Variants in SYN3 observed in about 807,000 individuals in gnomAD.
The protein encoded by SYN3 is synapsin-3.
In SYN3, 35 loss-of-function variants were observed where a neutral mutation model predicts 65.8. That is an observed-to-expected ratio of 0.53 (90% CI 0.41 to 0.70). SYN3 has a LOEUF of 0.70. Ranked by LOEUF, SYN3 falls within the 30% of genes least tolerant of loss-of-function variation. The probability of loss-of-function intolerance (pLI) is 0.00; values close to 1 mark genes in which losing one functional copy is unlikely to be tolerated. For synonymous variants in SYN3, 270 were observed against 292.9 expected (o/e 0.92, Z 0.80); for missense variants, 680 against 749.0 (o/e 0.91, Z 1.08).
At chr22:32,802,094 C>A (rs374814967) in intron 6 of SYN3, 5 of 1,580,708 alleles carry the variant, frequency 3.2e-6, no homozygotes, top group Non-Finnish European at 3.4e-6. Flanking sequence ...CCAGCCACCC[C>A]CAGGACGCCT....
chr22:32,546,379 C>A (rs951489391), intron 7 of SYN3, among the ~76,000 whole-genome samples: 3 of 152,212 alleles, frequency 2.0e-5, no homozygotes, highest in African/African-American at 7.2e-5. Flanking sequence ...CAAAAAAAGG[C>A]AAAGAAACTG....
intron 6 of SYN3, among the ~76,000 whole-genome samples, chr22:32,642,768 A>C (rs2059921699): frequency 6.6e-6 from 1 of 152,056 alleles, no homozygotes; most frequent in African/African-American, 2.4e-5. Flanking sequence ...TATGTTGCCC[A>C]GGCTGTCTCG....
chr22:32,987,441 C>G (rs779210681), intron 2 of SYN3, among the ~76,000 whole-genome samples: 13 of 152,150 alleles, frequency 8.5e-5, no homozygotes, highest in Non-Finnish European at 1.8e-4. Flanking sequence ...ATTGTTTTCT[C>G]CTGAGAACAG....
chr22:32,736,804 T>A (rs1555941900), intron 6 of SYN3, among the ~76,000 whole-genome samples: 1 of 152,188 alleles, frequency 6.6e-6, no homozygotes, highest in Non-Finnish European at 1.5e-5. Flanking sequence ...ATCTAAGGGC[T>A]CAGATTCCTA....
At chr22:32,566,852 C>A (rs974917925) in intron 7 of SYN3, among the ~76,000 whole-genome samples, 7 of 152,008 alleles carry the variant, frequency 4.6e-5, no homozygotes, top group Admixed American at 1.3e-4. Flanking sequence ...CATTGAGCGC[C>A]AGGAGTGAGA....
intron 6 of SYN3, among the ~76,000 whole-genome samples, chr22:32,749,377 C>T (rs1336127934): frequency 6.8e-6 from 1 of 146,532 alleles, no homozygotes; most frequent in Admixed American, 7.1e-5. Flanking sequence ...CTCAGTGGCT[C>T]ACACCTGTAA....
Position 32,820,380 on chromosome 22 carries a change from T to TG in SYN3, c.711+44534dup, listed in dbSNP as rs1307022878. ...TGTGTGTGTGTGTGTGTGTGTGTGG[T>TG]GTGTTCTACTCCGTGTGTGTGTCAT... On this transcript the variant is annotated intron_variant, in intron 6 of 13. Coordinates refer to ENST00000358763, the MANE Select transcript of SYN3 (RefSeq NM_003490.4). 3.7e-5 allele frequency among the ~76,000 whole-genome samples: 5 copies of TG among 136,100 alleles called. No homozygotes were observed. The East Asian group carries it at 1.2e-3, about 32-fold the overall frequency. The allele number at this position is 136,100 out of a possible 152,430, so 89.3% of individuals were successfully genotyped here.
intron 6 of SYN3, among the ~76,000 whole-genome samples, chr22:32,609,935 A>T (rs1390163847): frequency 6.6e-6 from 1 of 152,230 alleles, no homozygotes; most frequent in Non-Finnish European, 1.5e-5. Context: ...GATACAATTC[A>T]CATACCATAA....
chr22:32,884,834 G>A (rs1049060365), intron 4 of SYN3, among the ~76,000 whole-genome samples: 5 of 152,172 alleles, frequency 3.3e-5, no homozygotes, highest in Admixed American at 6.5e-5. Flanking sequence ...CCAAGATCAC[G>A]CCACTGCACT....
rs117948985 is a variant in SYN3, at chr22:32,676,933, C to T, written c.712-80197G>A. 3.4e-3 allele frequency among the ~76,000 whole-genome samples: 514 copies of T among 152,284 alleles called. 3 individuals carry two copies. The highest frequency in any genetic ancestry group is 4.9e-3 in the Non-Finnish European group (332 of 68,026). On this transcript the variant is annotated intron_variant, in intron 6 of 13. Transcript: ENST00000358763. ...ATCACATCCTTCTGAGAACCATGCA[C>T]ACTTGGGAATTATTCTTCCCCTTTA...
At chr22:32,662,251 C>T (rs1235767760) in intron 6 of SYN3, among the ~76,000 whole-genome samples, 1 of 139,454 alleles carries the variant, frequency 7.2e-6, no homozygotes, top group East Asian at 3.4e-4. Context: ...TGCCTTAGTT[C>T]TATAGGGCTG....
chr22:32,664,356 G>A (rs2060259219), intron 6 of SYN3, among the ~76,000 whole-genome samples: 1 of 152,110 alleles, frequency 6.6e-6, no homozygotes, highest in Non-Finnish European at 1.5e-5. Context: ...GCCAGCACTT[G>A]GTTAAAAGTA....
At chr22:33,016,271 A>C (rs1005008706) in intron 1 of SYN3, among the ~76,000 whole-genome samples, 1 of 152,210 alleles carries the variant, frequency 6.6e-6, no homozygotes, top group African/African-American at 2.4e-5. Flanking sequence ...GTTCCTGGTA[A>C]TGACTTAAAT....
chr22:33,050,794 T>G (rs1250512870), intron 1 of SYN3, among the ~76,000 whole-genome samples: 2 of 152,192 alleles, frequency 1.3e-5, no homozygotes, highest in Non-Finnish European at 2.9e-5. Flanking sequence ...ACTGAGCAAG[T>G]GGATCATCTT....
chr22:32,579,107 C>T (rs1264571885), intron 7 of SYN3, among the ~76,000 whole-genome samples: 1 of 152,178 alleles, frequency 6.6e-6, no homozygotes, highest in African/African-American at 2.4e-5. Flanking sequence ...GAATCTTAAC[C>T]ATGAGTGTGT....
At chr22:32,617,549 G>T (rs2059538152) in intron 6 of SYN3, among the ~76,000 whole-genome samples, 1 of 151,826 alleles carries the variant, frequency 6.6e-6, no homozygotes, top group Non-Finnish European at 1.5e-5. Flanking sequence ...TCAGTATAGG[G>T]AGAGAGAAGG....
At chr22:32,564,245 T>C (rs981674492) in intron 7 of SYN3, among the ~76,000 whole-genome samples, 9 of 152,168 alleles carry the variant, frequency 5.9e-5, no homozygotes, top group African/African-American at 2.2e-4. Flanking sequence ...CGGCCATGAC[T>C]GCACGTCTTT....
chr22:32,898,661 T>C (rs1189861101), intron 4 of SYN3, among the ~76,000 whole-genome samples: 1 of 152,236 alleles, frequency 6.6e-6, no homozygotes, highest in Non-Finnish European at 1.5e-5. Context: ...GGAATCCCTA[T>C]ATACATATAT....
At chr22:33,018,062 G>A (rs989938309) in intron 1 of SYN3, among the ~76,000 whole-genome samples, 9 of 152,184 alleles carry the variant, frequency 5.9e-5, no homozygotes, top group Non-Finnish European at 1.0e-4. Context: ...GAAGCCAATT[G>A]TGAAAGTAAG....
Sources: gnomAD v4.1 joint callset for allele counts (sites outside exome capture counted in the v4.1 genomes callset) on GRCh38, gnomAD v4.1.1 for gene constraint, MANE v1.5 for transcripts, NCBI Gene and HGNC (gene_info 2026-07-23, HGNC 2026-07-21) for gene names.